Variants in SLC5A1 observed in about 807,000 individuals in gnomAD.
SLC5A1 encodes the protein solute carrier family 5 member 1.
A neutral mutation model predicts 73.5 loss-of-function variants in SLC5A1; 42 were observed. The ratio of observed to expected loss-of-function variants is 0.57; its 90% CI spans 0.45 to 0.74. SLC5A1 has a LOEUF of 0.74. Among genes scored for constraint, SLC5A1 ranks in the 30% least tolerant of loss-of-function variants. The pLI is 0.00. For synonymous variants in SLC5A1, 300 were observed against 317.4 expected (o/e 0.95, Z 0.58); for missense variants, 634 against 855.4 (o/e 0.74, Z 3.23).
intron 10 of SLC5A1, among the ~76,000 whole-genome samples, chr22:32,088,527 C>T (rs575368030): frequency 2.0e-5 from 3 of 151,986 alleles, no homozygotes; most frequent in South Asian, 2.1e-4. Flanking sequence ...TTAGTACAGA[C>T]GGGGTTTCAC....
At chr22:32,096,339 C>G (rs139391743) in intron 11 of SLC5A1, among the ~76,000 whole-genome samples, 11 of 152,284 alleles carry the variant, frequency 7.2e-5, no homozygotes, top group African/African-American at 1.2e-4. Context: ...TAAATCCAAA[C>G]AGTCTGGACA....
At chr22:32,100,477 T>G (rs1246004948) in intron 12 of SLC5A1, among the ~76,000 whole-genome samples, 1 of 152,222 alleles carries the variant, frequency 6.6e-6, no homozygotes. Flanking sequence ...TTGTCATATA[T>G]AGCTTATAAT....
chr22:32,051,962 C>G (rs914815403), intron 2 of SLC5A1, among the ~76,000 whole-genome samples: 1 of 152,220 alleles, frequency 6.6e-6, no homozygotes, highest in Non-Finnish European at 1.5e-5. Flanking sequence ...CAGAACAGAG[C>G]CTGGCACACA....
chr22:32,061,131 T>A (rs1307913243), intron 2 of SLC5A1, among the ~76,000 whole-genome samples: 1 of 152,138 alleles, frequency 6.6e-6, no homozygotes, highest in African/African-American at 2.4e-5. Context: ...CTAACATTAA[T>A]TGTCAGTAGC....
intron 11 of SLC5A1, among the ~76,000 whole-genome samples, chr22:32,092,473 G>C (rs947591484): frequency 4.6e-5 from 7 of 152,134 alleles, no homozygotes; most frequent in Non-Finnish European, 1.0e-4. Context: ...CCCAGTAGTG[G>C]GATTGCTGGA....
chr22:32,051,058 A>T (rs570696469), intron 2 of SLC5A1, among the ~76,000 whole-genome samples: 1 of 152,342 alleles, frequency 6.6e-6, no homozygotes, highest in African/African-American at 2.4e-5. Flanking sequence ...TATTGGCAGC[A>T]GAAATTACAC....
chr22:32,102,813 G>C (rs1325202033), intron 13 of SLC5A1, among the ~76,000 whole-genome samples: 4 of 152,118 alleles, frequency 2.6e-5, no homozygotes, highest in South Asian at 4.1e-4. Context: ...TATATGGTGA[G>C]AACATGAGAA....
chr22:32,045,423 T>G (rs1475334228), intron 1 of SLC5A1, among the ~76,000 whole-genome samples: 1 of 152,238 alleles, frequency 6.6e-6, no homozygotes, highest in African/African-American at 2.4e-5. Flanking sequence ...CTCTGGACCC[T>G]GGTCATTTAA....
rs377163400 is a variant in SLC5A1 at position 32,108,323 on chromosome 22, G to C, written c.1772-1667G>C. Among the ~76,000 whole-genome samples the C allele has an allele frequency of 6.1e-4, 93 of 152,086 alleles. 2 individuals carry two copies. In the South Asian group the frequency reaches 0.019, roughly 32 times the overall value. On this transcript the variant is annotated intron_variant, in intron 14 of 14. Coordinates refer to ENST00000266088, the MANE Select transcript of SLC5A1 (RefSeq NM_000343.4). ...TCACCATGTTAGCCAGGATAGTCTC[G>C]ATCTCCTGACCTCGTGATCCACCCA... is the stretch of plus-strand genomic sequence containing the variant.
chr22:32,046,879 G>GT (rs2093937887), intron 1 of SLC5A1, among the ~76,000 whole-genome samples: 1 of 152,244 alleles, frequency 6.6e-6, no homozygotes, highest in Non-Finnish European at 1.5e-5. Context: ...ACAGGTGAAT[G>GT]TAACACTGTT....
chr22:32,057,066 C>G (rs771973919), intron 2 of SLC5A1, among the ~76,000 whole-genome samples: 8 of 152,144 alleles, frequency 5.3e-5, no homozygotes, highest in Non-Finnish European at 1.2e-4. Flanking sequence ...AAGTGACTGC[C>G]TCAAGGTCAC....
At chr22:32,079,753 C>A (rs1252905330) in intron 5 of SLC5A1, among the ~76,000 whole-genome samples, 1 of 152,112 alleles carries the variant, frequency 6.6e-6, no homozygotes, top group Non-Finnish European at 1.5e-5. Flanking sequence ...ATTTAAGTAA[C>A]TTTATGTGAC....
chr22:32,045,566 T>C (rs540285002), intron 1 of SLC5A1, among the ~76,000 whole-genome samples: 1 of 152,340 alleles, frequency 6.6e-6, no homozygotes, highest in Admixed American at 6.5e-5. Context: ...AGGCCCATTG[T>C]GTTTCTTCAA....
intron 10 of SLC5A1, among the ~76,000 whole-genome samples, chr22:32,089,899 A>C (rs2094014202): frequency 6.6e-6 from 1 of 152,150 alleles, no homozygotes; most frequent in South Asian, 2.1e-4. Flanking sequence ...TGGTATGGGA[A>C]GAATAATAGA....
At chr22:32,044,904 CCTTTT>C (rs1329331921) in intron 1 of SLC5A1, among the ~76,000 whole-genome samples, 20 of 152,218 alleles carry the variant, frequency 1.3e-4, no homozygotes, top group South Asian at 4.2e-4. Flanking sequence ...CAATGTTTAT[CCTTTT>C]AAGTAAAATG....
Position 32,112,769 on chromosome 22 carries a change from A to T in SLC5A1, c.*2556A>T, listed in dbSNP as rs1423902873. On this transcript the variant is annotated 3_prime_UTR_variant, in exon 15 of 15. Transcript: ENST00000266088. ...TGGGGAGATGTTGGTCAAATGATAC[A>T]AAGGTTTAGTTAGGTGGAATAAGTT... 3 of 152,210 alleles carry T rather than the reference A, an allele frequency of 2.0e-5. No individual in the cohort carries two copies. The highest frequency in any genetic ancestry group is 7.2e-5 in the African/African-American group (3 of 41,444). The allele number at this position is 152,210 out of a possible 1,614,324, so 9.4% of individuals were successfully genotyped here.
At chr22:32,080,792 G>A (rs992319632) in intron 5 of SLC5A1, among the ~76,000 whole-genome samples, 4 of 152,240 alleles carry the variant, frequency 2.6e-5, no homozygotes, top group Non-Finnish European at 4.4e-5. Context: ...TCAGGAGTTC[G>A]AGACCAGCCT....
At chr22:32,080,960 C>T (rs1246284693) in intron 5 of SLC5A1, among the ~76,000 whole-genome samples, 1 of 152,146 alleles carries the variant, frequency 6.6e-6, no homozygotes, top group Admixed American at 6.5e-5. Context: ...CACCACTGCA[C>T]TCTAGCCCGG....
intron 5 of SLC5A1, among the ~76,000 whole-genome samples, chr22:32,076,681 G>A (rs2149490401): frequency 6.6e-6 from 1 of 152,308 alleles, no homozygotes; most frequent in Non-Finnish European, 1.5e-5. Flanking sequence ...AAACTGCGAG[G>A]CTAGGCAGGA....
Sources: gnomAD v4.1 joint callset for allele counts (sites outside exome capture counted in the v4.1 genomes callset) on GRCh38, gnomAD v4.1.1 for gene constraint, MANE v1.5 for transcripts, NCBI Gene and HGNC (gene_info 2026-07-23, HGNC 2026-07-21) for gene names.